Variants in CNOT10 observed in about 807,000 individuals in gnomAD.
CNOT10 encodes the protein CCR4-NOT transcription complex subunit 10, also known as CCR4-NOT transcription complex, subunit 10.
In CNOT10, 30 loss-of-function variants were observed where a neutral mutation model predicts 94.6. The observed-to-expected ratio is 0.32, with a 90% CI of 0.24 to 0.43. The LOEUF (loss-of-function observed/expected upper bound fraction) is 0.43, where lower values mean the gene tolerates loss of function less well. CNOT10 is among the 20% of genes least tolerant of loss of function. CNOT10 has a pLI of 1.00. For synonymous variants in CNOT10, 289 were observed against 301.6 expected (o/e 0.96, Z 0.43); for missense variants, 759 against 877.2 (o/e 0.87, Z 1.70).
At chr3:32,712,065 T>C (rs1157114786) in intron 4 of CNOT10, among the ~76,000 whole-genome samples, 2 of 152,236 alleles carry the variant, frequency 1.3e-5, no homozygotes, top group African/African-American at 4.8e-5. Context: ...CATTGGGTTC[T>C]TTTTCTTTTG....
intron 8 of CNOT10, among the ~76,000 whole-genome samples, chr3:32,724,412 A>ATTTTT (rs756450071): frequency 2.8e-5 from 3 of 108,162 alleles, no homozygotes; most frequent in Non-Finnish European, 5.8e-5. Flanking sequence ...CGCCCGGCTA[A>ATTTTT]TTTTTTTTTT....
At chr3:32,743,146 C>T (rs540343553) in intron 13 of CNOT10, among the ~76,000 whole-genome samples, 1 of 151,936 alleles carries the variant, frequency 6.6e-6, no homozygotes, top group African/African-American at 2.4e-5. Context: ...CCACCATGCC[C>T]AGCTAATTTT....
intron 10 of CNOT10, among the ~76,000 whole-genome samples, chr3:32,732,961 A>T (rs1699024578): frequency 6.6e-6 from 1 of 152,174 alleles, no homozygotes; most frequent in Admixed American, 6.6e-5. Context: ...AGCTTATTAA[A>T]GTTTATATAT....
At chr3:32,700,136 C>T (rs969786350) in intron 1 of CNOT10, among the ~76,000 whole-genome samples, 4 of 151,822 alleles carry the variant, frequency 2.6e-5, no homozygotes, top group African/African-American at 4.8e-5. Context: ...CCACCATGCC[C>T]GGCTAATTTT....
At chr3:32,691,796 C>T (rs989707261) in intron 1 of CNOT10, among the ~76,000 whole-genome samples, 2 of 152,170 alleles carry the variant, frequency 1.3e-5, no homozygotes, top group African/African-American at 4.8e-5. Flanking sequence ...CGCCTCACGC[C>T]TGTAATCCCA....
chr3:32,705,912 C>G (rs1033575376), intron 3 of CNOT10, among the ~76,000 whole-genome samples: 1 of 152,130 alleles, frequency 6.6e-6, no homozygotes, highest in Non-Finnish European at 1.5e-5. Context: ...AGAATAATAG[C>G]TACCATTTAT....
chr3:32,687,439 G>GTTTTTTGTTTTGT (rs1696653694), intron 1 of CNOT10, among the ~76,000 whole-genome samples: 1 of 51,320 alleles, frequency 1.9e-5, no homozygotes, highest in South Asian at 1.1e-3. Flanking sequence ...AGTCCTCACG[G>GTTTTTTGTTTTGT]TTTTTTTTTT....
chr3:32,703,837 C>G (rs765344437), intron 1 of CNOT10, 31 bp from the exon 2 acceptor site: 10 of 1,525,658 alleles, frequency 6.6e-6, no homozygotes, highest in Non-Finnish European at 7.3e-6. Context: ...ACTTTTATTT[C>G]TAAAGAACTG....
intron 13 of CNOT10, chr3:32,753,808 G>C: frequency 6.3e-7 from 1 of 1,587,444 alleles, no homozygotes; most frequent in Non-Finnish European, 8.6e-7. Flanking sequence ...CTTTATGGGA[G>C]TCTGATGGTA....
At chr3:32,737,571 TC>T in intron 13 of CNOT10, 81 bp downstream of exon 13, 2 of 872,096 alleles carry the variant, frequency 2.3e-6, no homozygotes, top group Non-Finnish European at 3.6e-6. Context: ...ATACCTCTAA[TC>T]CCAGCACTTT....
At chr3:32,691,529 ACTC>A (rs1426057678) in intron 1 of CNOT10, among the ~76,000 whole-genome samples, 2 of 150,300 alleles carry the variant, frequency 1.3e-5, no homozygotes, top group Non-Finnish European at 3.0e-5. Flanking sequence ...CTGGTCTTGA[ACTC>A]CTGAGCTTAA....
intron 6 of CNOT10, among the ~76,000 whole-genome samples, chr3:32,716,562 A>G (rs1308915974): frequency 1.3e-5 from 2 of 152,232 alleles, no homozygotes; most frequent in African/African-American, 4.8e-5. Flanking sequence ...ACTGCATGAT[A>G]AAATCAACTG....
At chr3:32,735,574 G>T (rs547657211) in intron 12 of CNOT10, among the ~76,000 whole-genome samples, 29 of 151,990 alleles carry the variant, frequency 1.9e-4, no homozygotes, top group African/African-American at 5.1e-4. Context: ...GGGCGTGGTG[G>T]TGGGCACCTA....
At chr3:32,771,024 C>A (rs1700879429) in intron 18 of CNOT10, among the ~76,000 whole-genome samples, 1 of 151,836 alleles carries the variant, frequency 6.6e-6, no homozygotes, top group African/African-American at 2.4e-5. Context: ...TCAAATTCTT[C>A]TACATAAAAA....
intron 13 of CNOT10, among the ~76,000 whole-genome samples, chr3:32,750,417 C>T (rs992553722): frequency 1.3e-5 from 2 of 151,908 alleles, no homozygotes. Flanking sequence ...GCTTGAACCC[C>T]GGAGGCCGAA....
chr3:32,765,746 A>C lies in CNOT10; in HGVS notation c.2004+937A>C, dbSNP rs1222547101. On this transcript the variant is annotated intron_variant, in intron 17 of 18. Coordinates refer to ENST00000328834, the MANE Select transcript of CNOT10 (RefSeq NM_015442.3). ...ACTGTCTAAAAGATCACTTATATAAATAATAGTGCATCTGTACAGTTGAAG... is the reference window on the plus strand; with the variant it reads ...ACTGTCTAAAAGATCACTTATATAACTAATAGTGCATCTGTACAGTTGAAG... Among the ~76,000 whole-genome samples the C allele has an allele frequency of 3.7e-5, 2 of 53,650 alleles. 1 individual carries two copies. Among genetic ancestry groups the C allele is most frequent in the Non-Finnish European group, 8.5e-5 (2 of 23,566 alleles). The allele number at this position is 53,650 out of a possible 152,430, so 35.2% of individuals were successfully genotyped here.
chr3:32,714,388 T>C (rs972552575), intron 5 of CNOT10, among the ~76,000 whole-genome samples: 1 of 151,074 alleles, frequency 6.6e-6, no homozygotes, highest in Non-Finnish European at 1.5e-5. Flanking sequence ...AGGGAAAATT[T>C]CATCATTAAA....
At chr3:32,771,600 AAAT>A (rs377398906) in intron 18 of CNOT10, among the ~76,000 whole-genome samples, 8 of 151,892 alleles carry the variant, frequency 5.3e-5, no homozygotes, top group Admixed American at 2.0e-4. Context: ...ACCCTGTCTC[AAAT>A]AATAATAATA....
intron 10 of CNOT10, among the ~76,000 whole-genome samples, chr3:32,728,485 C>T (rs1045076551): frequency 4.0e-5 from 6 of 151,730 alleles, no homozygotes; most frequent in South Asian, 2.1e-4. Context: ...TGGCAGTGAG[C>T]GCCTGTAGTC....
Sources: allele counts gnomAD v4.1 joint callset (sites outside exome capture counted in the v4.1 genomes callset), GRCh38; gene constraint gnomAD v4.1.1; transcripts MANE v1.5; gene names NCBI Gene and HGNC (gene_info 2026-07-23, HGNC 2026-07-21).